Variants in FHIT observed in about 807,000 individuals in gnomAD.
FHIT encodes the protein fragile histidine triad diadenosine triphosphatase.
Under a neutral mutation model 17.9 loss-of-function variants are expected in FHIT, and 19 were observed. The observed-to-expected ratio is 1.06, with a 90% CI of 0.74 to 1.56. FHIT has a LOEUF of 1.56. FHIT is among the 40% of genes most tolerant of loss of function. The pLI is 0.00. For missense variants in FHIT, 248 were observed against 189.2 expected, an observed-to-expected ratio of 1.31 and a Z score of -1.82; for synonymous variants, 81 against 69.7, an observed-to-expected ratio of 1.16 and a Z score of -0.81.
intron 5 of FHIT, among the ~76,000 whole-genome samples, chr3:60,231,499 G>C (rs1704495457): frequency 6.6e-6 from 1 of 152,148 alleles, no homozygotes; most frequent in Admixed American, 6.5e-5. Flanking sequence ...GGTGAACTTT[G>C]ACAGTTTCCA....
rs146698576 is a variant in FHIT, at chr3:60,945,121, G to A, written c.-111+96926C>T. Among the ~76,000 whole-genome samples the A allele has an allele frequency of 1.5e-3, 231 of 152,276 alleles. 2 individuals carry two copies. Among genetic ancestry groups the A allele is most frequent in the East Asian group, 0.011 (55 of 5,174 alleles). ...GCTACAGTAGGCAAGATGATCAAGG[G>A]AGGATTCTCTGAGAAGATGACATTT... On this transcript the variant is annotated intron_variant, in intron 3 of 9. Transcript: ENST00000492590.
chr3:60,029,797 C>T (rs755600203), intron 5 of FHIT, among the ~76,000 whole-genome samples: 9 of 151,700 alleles, frequency 5.9e-5, no homozygotes, highest in East Asian at 1.9e-4. Flanking sequence ...GGTAATTATC[C>T]TTGGTTACTA....
intron 5 of FHIT, among the ~76,000 whole-genome samples, chr3:60,275,471 C>T (rs2107635587): frequency 6.6e-6 from 1 of 152,342 alleles, no homozygotes; most frequent in East Asian, 1.9e-4. Flanking sequence ...ATCAGATTCT[C>T]TCAATCTTGT....
At chr3:61,241,563 T>G (rs1349984491) in intron 1 of FHIT, among the ~76,000 whole-genome samples, 1 of 152,198 alleles carries the variant, frequency 6.6e-6, no homozygotes, top group African/African-American at 2.4e-5. Flanking sequence ...AACTAAAATA[T>G]TCATGCATTA....
At chr3:60,762,264 T>G (rs887460072) in intron 4 of FHIT, among the ~76,000 whole-genome samples, 1 of 152,132 alleles carries the variant, frequency 6.6e-6, no homozygotes, top group Admixed American at 6.5e-5. Context: ...TAACCTCCCT[T>G]GCATCTAGGA....
At chr3:60,441,718 A>ATTTG (rs11280943) in intron 5 of FHIT, among the ~76,000 whole-genome samples, 3 of 93,788 alleles carry the variant, frequency 3.2e-5, no homozygotes, top group East Asian at 3.7e-4. Context: ...ATATATATAT[A>ATTTG]TATATTTGTA....
At chr3:61,194,778 T>A (rs1282932276) in intron 2 of FHIT, among the ~76,000 whole-genome samples, 1 of 152,144 alleles carries the variant, frequency 6.6e-6, no homozygotes, top group African/African-American at 2.4e-5. Context: ...TTGAAGGAAA[T>A]ATCCTCTAAT....
chr3:60,457,835 CTCA>C (rs2032206019), intron 5 of FHIT, among the ~76,000 whole-genome samples: 1 of 152,096 alleles, frequency 6.6e-6, no homozygotes, highest in African/African-American at 2.4e-5. Flanking sequence ...TGAAAAAACG[CTCA>C]TCATCACTGG....
chr3:60,585,361 A>G (rs1199427935), intron 4 of FHIT, among the ~76,000 whole-genome samples: 1 of 152,032 alleles, frequency 6.6e-6, no homozygotes, highest in African/African-American at 2.4e-5. Context: ...ACACAGGTGC[A>G]TTTTGTTAGA....
chr3:60,047,342 G>A (rs1258638530), intron 5 of FHIT, among the ~76,000 whole-genome samples: 1 of 152,200 alleles, frequency 6.6e-6, no homozygotes, highest in Non-Finnish European at 1.5e-5. Context: ...TAACTGCTGA[G>A]GTTAATCTCT....
At chr3:60,194,118 A>G (rs1481439789) in intron 5 of FHIT, among the ~76,000 whole-genome samples, 3 of 152,214 alleles carry the variant, frequency 2.0e-5, no homozygotes, top group African/African-American at 7.2e-5. Context: ...AACCAAAAAG[A>G]GCCCAAATAG....
intron 5 of FHIT, among the ~76,000 whole-genome samples, chr3:60,462,759 C>T (rs972745716): frequency 1.1e-4 from 16 of 152,144 alleles, no homozygotes; most frequent in Non-Finnish European, 1.8e-4. Flanking sequence ...CATGCTGGAC[C>T]GGGCTAAGAC....
chr3:60,314,681 G>A (rs1047256731), intron 5 of FHIT, among the ~76,000 whole-genome samples: 1 of 152,114 alleles, frequency 6.6e-6, no homozygotes, highest in Non-Finnish European at 1.5e-5. Context: ...CATATGGTGT[G>A]GCAGAATAAA....
intron 2 of FHIT, among the ~76,000 whole-genome samples, chr3:61,044,069 C>T (rs1394428027): frequency 2.0e-5 from 3 of 152,140 alleles, no homozygotes; most frequent in Non-Finnish European, 2.9e-5. Flanking sequence ...AATCAGAGCG[C>T]CTCTTCTCCT....
chr3:60,604,699 C>T (rs2038552133), intron 4 of FHIT, among the ~76,000 whole-genome samples: 1 of 152,130 alleles, frequency 6.6e-6, no homozygotes, highest in African/African-American at 2.4e-5. Context: ...CCGAGGTTCC[C>T]ACTCTTGGTG....
intron 5 of FHIT, among the ~76,000 whole-genome samples, chr3:60,480,160 G>C (rs1255363252): frequency 4.6e-5 from 7 of 152,122 alleles, no homozygotes; most frequent in Non-Finnish European, 1.0e-4. Flanking sequence ...AGGAGAGAAA[G>C]AGAGAGAAAA....
chr3:61,243,449 G>A (rs1400998085), intron 1 of FHIT, among the ~76,000 whole-genome samples: 2 of 152,210 alleles, frequency 1.3e-5, no homozygotes, highest in Non-Finnish European at 2.9e-5. Context: ...TTAAAGGTAT[G>A]TAATCAAATT....
intron 2 of FHIT, among the ~76,000 whole-genome samples, chr3:61,182,064 G>A (rs966356915): frequency 6.6e-6 from 1 of 152,106 alleles, no homozygotes; most frequent in Non-Finnish European, 1.5e-5. Flanking sequence ...ACTCTGAAGG[G>A]GAAATAACTT....
intron 7 of FHIT, among the ~76,000 whole-genome samples, chr3:59,986,695 T>TATATATTTATATAAATATATAC (rs1475237860): frequency 6.1e-3 from 69 of 11,220 alleles, no homozygotes; most frequent in Non-Finnish European, 7.1e-3. Flanking sequence ...TTTAGTTTTA[T>TATATATTTATATAAATATATAC]ATATATTTAT....
Sources: gnomAD v4.1 joint callset for allele counts (sites outside exome capture counted in the v4.1 genomes callset) on GRCh38, gnomAD v4.1.1 for gene constraint, MANE v1.5 for transcripts, NCBI Gene and HGNC (gene_info 2026-07-23, HGNC 2026-07-21) for gene names.